DNMT1: variants seen among roughly 807,000 people sequenced by gnomAD.
DNMT1 encodes the protein DNA methyltransferase 1.
In DNMT1, 24 loss-of-function variants were observed where a neutral mutation model predicts 205.3. The ratio of observed to expected loss-of-function variants is 0.12; its 90% CI spans 0.08 to 0.16. DNMT1 has a LOEUF of 0.16. DNMT1 is among the 10% of genes least tolerant of loss of function. DNMT1 has a pLI of 1.00. For missense variants in DNMT1, 1,293 were observed against 2,177.7 expected (o/e 0.59, Z 8.09); for synonymous variants, 817 against 839.8 (o/e 0.97, Z 0.47).
intron 39 of DNMT1, 69 bp from the exon 40 acceptor site, chr19:10,134,376 G>A (rs964594162): frequency 1.4e-6 from 2 of 1,427,648 alleles, no homozygotes; most frequent in African/African-American, 2.8e-5. Flanking sequence ...CAGGTGTACT[G>A]CCAGCCCCTG....
intron 13 of DNMT1, among the ~76,000 whole-genome samples, chr19:10,161,911 G>T (rs528950843): frequency 6.6e-6 from 1 of 151,482 alleles, no homozygotes; most frequent in Non-Finnish European, 1.5e-5. Context: ...GTGTGATCTC[G>T]GCTCACTGCA....
intron 2 of DNMT1, among the ~76,000 whole-genome samples, chr19:10,181,756 G>A (rs2145382124): frequency 6.6e-6 from 1 of 152,000 alleles, no homozygotes; most frequent in East Asian, 1.9e-4. Context: ...TTGAATCCGG[G>A]AGGCAGAGGT....
intron 22 of DNMT1, among the ~76,000 whole-genome samples, chr19:10,152,160 C>CAAAAAAAGAAAAAAAAAAAAA (rs2038357274): frequency 7.0e-5 from 1 of 14,334 alleles, no homozygotes; most frequent in Non-Finnish European, 9.9e-5. Flanking sequence ...AACTCCATCT[C>CAAAAAAAGAAAAAAAAAAAAA]AAAAAAAAAA....
At chr19:10,165,944 C>T (rs987389942) in intron 11 of DNMT1, among the ~76,000 whole-genome samples, 2 of 152,140 alleles carry the variant, frequency 1.3e-5, no homozygotes, top group African/African-American at 4.8e-5. Flanking sequence ...TGTCACCCAG[C>T]AAGCCCGTGA....
In DNMT1 at chr19:10,154,840, T is replaced by C. The variant is rs943388961; in HGVS notation, c.1644+65A>G. The C allele has an allele frequency of 1.9e-6, 3 of 1,614,120 alleles. No homozygotes were observed. Among genetic ancestry groups the C allele is most frequent in the African/African-American group, 1.3e-5 (1 of 74,936 alleles). ...GCCTAAATCCAACTGAAGAACAGTG[T>C]CTGCTGGTTCTGAAGGCAAGTTTCC... On this transcript the variant is annotated intron_variant, in intron 20 of 40. Coordinates refer to ENST00000359526, the MANE Select transcript of DNMT1 (RefSeq NM_001130823.3). The surrounding 1 kb of genome is among the most constrained non-coding windows in gnomAD (Gnocchi z 6.3).
At chr19:10,162,811 G>A (rs926740421) in intron 12 of DNMT1, 63 bp from the exon 13 acceptor site, 40 of 1,564,076 alleles carry the variant, frequency 2.6e-5, no homozygotes, top group Non-Finnish European at 3.5e-6. Context: ...TCGCCAACTC[G>A]CACGGAAAGT....
At chr19:10,176,134 C>T (rs982398281) in intron 6 of DNMT1, among the ~76,000 whole-genome samples, 5 of 151,346 alleles carry the variant, frequency 3.3e-5, no homozygotes, top group Admixed American at 2.0e-4. Flanking sequence ...TGCCACTGCA[C>T]TCCAGCCTGG....
Position 10,134,274 on chromosome 19 carries a change from C to T in DNMT1, c.4807G>A (p.Ala1603Thr), listed in dbSNP as rs750979984. Residue 1603 changes from alanine to threonine, a missense_variant, in exon 40 of 41, where the codon GCC (alanine) becomes ACC (threonine). Transcript: ENST00000359526. The stretch of plus-strand genomic sequence containing the variant: ...CAAAGCTTGATCTCCAAGCCAATGG[C>T]TTTGGCCAGGGGCGGTGGCACGGCA... ...GNAVPPPLAK[A>T]IGLEIKLCML... is the part of the protein sequence containing the mutation. 2.5e-6 allele frequency: 4 copies of T among 1,614,180 alleles called. No individual in the cohort carries two copies. The highest frequency in any genetic ancestry group is 3.4e-6 in the Non-Finnish European group (4 of 1,180,040).
chr19:10,173,921 G>T lies in DNMT1; in HGVS notation c.649-16C>A. The T allele has an allele frequency of 6.2e-7, 1 of 1,613,512 alleles. No individual in the cohort carries two copies. ...TCTTCTCATCCTGTGTGGAGGGAAGGAAGAACAAAAAAGATTAGAATACTG... is the reference window on the plus strand; with the variant it reads ...TCTTCTCATCCTGTGTGGAGGGAAGTAAGAACAAAAAAGATTAGAATACTG... On this transcript the variant is annotated splice_polypyrimidine_tract_variant and intron_variant, in intron 7 of 40. Coordinates refer to ENST00000359526, the MANE Select transcript of DNMT1 (RefSeq NM_001130823.3).
chr19:10,150,014 T>C (rs529745517), intron 24 of DNMT1, 46 bp from the exon 25 acceptor site: 1 of 1,554,356 alleles, frequency 6.4e-7, no homozygotes, highest in Non-Finnish European at 8.9e-7. Context: ...CTGAGGGTCT[T>C]TGCTGGCCTT....
At position 10,169,406 on chromosome 19, in the gene DNMT1, A is replaced by AT. The variant is rs1177410072; in HGVS notation, c.769-1043_769-1042insA. On this transcript the variant is annotated intron_variant, in intron 9 of 40. Coordinates refer to ENST00000359526, the MANE Select transcript of DNMT1 (RefSeq NM_001130823.3). ...AAATACAAAAAAAAAAAAAAAAAAAAATTAGCCGGGCGTGTTGGCGGGCGC... is the reference window on the plus strand; with the variant it reads ...AAATACAAAAAAAAAAAAAAAAAAAATATTAGCCGGGCGTGTTGGCGGGCGC... 2.0e-5 allele frequency among the ~76,000 whole-genome samples: 3 copies of AT among 150,462 alleles called. No individual in the cohort carries two copies. In the East Asian group the frequency reaches 5.8e-4, roughly 29 times the overall value.
At chr19:10,158,184 C>T (rs1014374477) in intron 17 of DNMT1, among the ~76,000 whole-genome samples, 11 of 152,220 alleles carry the variant, frequency 7.2e-5, no homozygotes, top group African/African-American at 2.4e-4. Context: ...CTGGTGAAGG[C>T]CAGAGTGAGG....
At chr19:10,172,442 G>A (rs1027248241) in intron 9 of DNMT1, among the ~76,000 whole-genome samples, 5 of 150,972 alleles carry the variant, frequency 3.3e-5, no homozygotes, top group South Asian at 2.1e-4. Context: ...CACCTCGTAC[G>A]TCTGAAAATT....
chr19:10,148,806 C>T, intron 27 of DNMT1, 78 bp downstream of exon 27: 3 of 1,611,016 alleles, frequency 1.9e-6, no homozygotes, highest in Non-Finnish European at 2.5e-6. Context: ...GGAAGCCAAC[C>T]AGACGGAAGC....
At chr19:10,174,715 T>TA (rs1482031456) in intron 7 of DNMT1, among the ~76,000 whole-genome samples, 2 of 146,254 alleles carry the variant, frequency 1.4e-5, no homozygotes, top group South Asian at 2.2e-4. Context: ...TAAAAAAAAT[T>TA]AAAAACAACA....
At position 10,146,377 on chromosome 19, in the gene DNMT1, G is replaced by A; in HGVS notation, c.2868C>T (p.Tyr956=). 1 of 1,614,030 alleles carries A rather than the reference G, an allele frequency of 6.2e-7. No individual in the cohort carries two copies. The highest frequency in any genetic ancestry group is 8.5e-7 in the Non-Finnish European group (1 of 1,180,000). The change falls in exon 28 of 41, where the codon TAC becomes TAT. Residue 956 remains tyrosine, a synonymous_variant. Coordinates refer to ENST00000359526, the MANE Select transcript of DNMT1 (RefSeq NM_001130823.3). This position sits in a 1 kb window ranked among gnomAD's most constrained non-coding sequence, Gnocchi z 4.4. ...GILYRVGDGV[Y]LPPEAFTFNI... is the part of the protein sequence containing the mutation. ...TGAACGTGAAGGCCTCAGGGGGCAG[G>A]TACACACCATCACCAACTCGGTACA...
chr19:10,183,131 T>A (rs1392066079), intron 1 of DNMT1, among the ~76,000 whole-genome samples: 3 of 117,690 alleles, frequency 2.5e-5, no homozygotes, highest in African/African-American at 1.0e-4. Context: ...ATATATTTTT[T>A]TTTTTTGAGA....
intron 22 of DNMT1, among the ~76,000 whole-genome samples, chr19:10,153,342 A>G (rs967451623): frequency 6.6e-6 from 1 of 152,064 alleles, no homozygotes; most frequent in Non-Finnish European, 1.5e-5. Context: ...ATAAAAACAA[A>G]TGATTTTAGG....
Position 10,173,982 on chromosome 19 carries a change from G to A in DNMT1, c.649-77C>T, listed in dbSNP as rs959609653. Reference sequence around the variant, plus strand: ...AAGGTCAACACCAAAAGTGTGAGTTGAAATATTAACACATTTGACATGGTT... The same window carrying A: ...AAGGTCAACACCAAAAGTGTGAGTTAAAATATTAACACATTTGACATGGTT... On this transcript the variant is annotated intron_variant, in intron 7 of 40. Coordinates refer to ENST00000359526, the MANE Select transcript of DNMT1 (RefSeq NM_001130823.3). The A allele has an allele frequency of 9.3e-6, 13 of 1,393,116 alleles. No homozygotes were observed. The African/African-American group carries it at 1.8e-4, about 20-fold the overall frequency. The allele number at this position is 1,393,116 out of a possible 1,614,324, so 86.3% of individuals were successfully genotyped here. A position where few individuals can be genotyped will look rare whatever the true frequency, so the allele number is the denominator to read the frequency against.
Sources: gnomAD v4.1 joint callset for allele counts (sites outside exome capture counted in the v4.1 genomes callset) on GRCh38, gnomAD v4.1.1 for gene constraint, Gnocchi (gnomAD v3.1) non-coding constraint, MANE v1.5 for transcripts, NCBI Gene and HGNC (gene_info 2026-07-23, HGNC 2026-07-21) for gene names.